Variants in DNAJB2 observed in about 807,000 individuals in gnomAD.
The protein encoded by DNAJB2 is DnaJ heat shock protein family (Hsp40) member B2.
A neutral mutation model predicts 33.3 loss-of-function variants in DNAJB2; 19 were observed. That is an observed-to-expected ratio of 0.57 (90% CI 0.40 to 0.84). The LOEUF is 0.84. DNAJB2 is among the 40% of genes least tolerant of loss of function. The probability of loss-of-function intolerance (pLI) is 0.00; values close to 1 mark genes in which losing one functional copy is unlikely to be tolerated. For synonymous variants in DNAJB2, 172 were observed against 164.6 expected (o/e 1.04, Z -0.34); for missense variants, 368 against 430.9 (o/e 0.85, Z 1.29).
intron 8 of DNAJB2, among the ~76,000 whole-genome samples, chr2:219,283,973 C>G (rs929522046): frequency 1.3e-5 from 2 of 152,216 alleles, no homozygotes; most frequent in Non-Finnish European, 2.9e-5. Flanking sequence ...TGTGCAGGGC[C>G]GTCACCACAG....
Position 219,286,020 on chromosome 2 carries a change from C to G in DNAJB2, c.*1033C>G. The G allele has an allele frequency of 1.2e-6, 2 of 1,612,400 alleles. No homozygotes were observed. Among genetic ancestry groups the G allele is most frequent in the Non-Finnish European group, 1.7e-6 (2 of 1,179,630 alleles). ...TGAGCTGGATGCCGGGTTCCAGAATCGCTGCACAGTTCCAACAGGACAGCG... is the reference window on the plus strand; with the variant it reads ...TGAGCTGGATGCCGGGTTCCAGAATGGCTGCACAGTTCCAACAGGACAGCG... On this transcript the variant is annotated 3_prime_UTR_variant, in exon 9 of 9. Coordinates refer to ENST00000336576, the MANE Select transcript of DNAJB2 (RefSeq NM_006736.6).
Position 219,284,863 on chromosome 2 carries a change from A to AG in DNAJB2, c.855dup (p.Arg286AlafsTer21). ...GGGCGGGAGGCACAGCACCGACGGC[A>AG]GGGGCGGCCCAAGGCCCAGCACCAA... is the stretch of plus-strand genomic sequence containing the variant. On this transcript the variant is annotated frameshift_variant, in exon 9 of 9. Transcript: ENST00000336576. LOFTEE classifies it high-confidence loss of function. The AG allele has an allele frequency of 6.2e-7, 1 of 1,610,210 alleles. No individual in the cohort carries two copies. The highest frequency in any genetic ancestry group is 8.5e-7 in the Non-Finnish European group (1 of 1,178,096).
At position 219,285,292 on chromosome 2, in the gene DNAJB2, CT is replaced by C; in HGVS notation, c.*309del. The stretch of plus-strand genomic sequence containing the variant: ...GGGGCATTAGTGGTTTGGGCTGGGC[CT>C]TTTGTGCCCTGGTACTCTGCCACCT... On this transcript the variant is annotated 3_prime_UTR_variant, in exon 9 of 9. Coordinates refer to ENST00000336576, the MANE Select transcript of DNAJB2 (RefSeq NM_006736.6). 9.1e-7 allele frequency: 1 copy of C among 1,099,160 alleles called. No individual in the cohort carries two copies. 68.1% of individuals were successfully genotyped at this position (1,099,160 alleles called of 1,614,324 possible).
Position 219,282,080 on chromosome 2 carries a change from C to T in DNAJB2, c.352+19C>T, listed in dbSNP as rs1274404925. On this transcript the variant is annotated intron_variant, in intron 5 of 8. Transcript: ENST00000336576. ...CTCTTTGGTGAGTGGACTCTGGAAG[C>T]CTCTGAATGGCTCAACTTCCCCCTC... is the stretch of plus-strand genomic sequence containing the variant. The T allele has an allele frequency of 3.1e-6, 5 of 1,613,922 alleles. No homozygotes were observed. The highest frequency in any genetic ancestry group is 1.7e-5 in the Admixed American group (1 of 60,000).
At position 219,283,210 on chromosome 2, in the gene DNAJB2, C is replaced by G. The variant is rs377437714; in HGVS notation, c.523C>G (p.Gln175Glu). The G allele has an allele frequency of 1.9e-6, 3 of 1,614,096 alleles. No individual in the cohort carries two copies. The highest frequency in any genetic ancestry group is 1.3e-5 in the African/African-American group (1 of 74,924). ...RSVSTSTTFV[Q>E]GRRITTRRIM... ...TGTTTCTACATCTACCACCTTTGTC[C>G]AAGGACGCCGCATCACCACACGCAG... is the stretch of plus-strand genomic sequence containing the variant. The change falls in exon 7 of 9, where the codon CAA becomes GAA. Residue 175 changes from glutamine to glutamate, a missense_variant. Coordinates refer to ENST00000336576, the MANE Select transcript of DNAJB2 (RefSeq NM_006736.6).
In DNAJB2 at chr2:219,283,506, C is replaced by G; in HGVS notation, c.619+17C>G. ...CAATCAATGGTGAGGAGCAGCTCCC[C>G]TACCCAGCCCCTGGCAGGAAGCCCC... is the stretch of plus-strand genomic sequence containing the variant. On this transcript the variant is annotated intron_variant, in intron 8 of 8. Transcript: ENST00000336576. The G allele has an allele frequency of 6.2e-7, 1 of 1,609,096 alleles. No individual in the cohort carries two copies. The highest frequency in any genetic ancestry group is 8.5e-7 in the Non-Finnish European group (1 of 1,177,602).
At position 219,286,317 on chromosome 2, in the gene DNAJB2, C is replaced by G. The variant is rs1014560810; in HGVS notation, c.*1330C>G. 2.9e-6 allele frequency: 1 copy of G among 348,274 alleles called. No individual in the cohort carries two copies. The highest frequency in any genetic ancestry group is 2.1e-5 in the African/African-American group (1 of 48,728). The allele number at this position is 348,274 out of a possible 1,614,324, so 21.6% of individuals were successfully genotyped here. On this transcript the variant is annotated 3_prime_UTR_variant, in exon 9 of 9. Coordinates refer to ENST00000336576, the MANE Select transcript of DNAJB2 (RefSeq NM_006736.6). ...TCTTGGGACATGTAGTAGCCCAGGT[C>G]GGCTTGTCACTCGCTGTGAGATGGG... is the stretch of plus-strand genomic sequence containing the variant.
intron 3 of DNAJB2, 115 bp from the exon 4 acceptor site, chr2:219,281,603 G>C: frequency 6.9e-7 from 1 of 1,441,928 alleles, no homozygotes; most frequent in South Asian, 1.2e-5. Context: ...TGCTGTGCCT[G>C]CTTTCCCCCG....
chr2:219,285,674 C>G lies in DNAJB2; in HGVS notation c.*687C>G. On this transcript the variant is annotated 3_prime_UTR_variant, in exon 9 of 9. Coordinates refer to ENST00000336576, the MANE Select transcript of DNAJB2 (RefSeq NM_006736.6). Reference sequence around the variant, plus strand: ...TGTGAGATCTTCTGGGGAGGCTAGCCGGGTGGGGCGGGAGCCTCTCAGCTG... The same window carrying G: ...TGTGAGATCTTCTGGGGAGGCTAGCGGGGTGGGGCGGGAGCCTCTCAGCTG... 1 of 1,178,496 alleles carries G rather than the reference C, an allele frequency of 8.5e-7. No individual in the cohort carries two copies. Among genetic ancestry groups the G allele is most frequent in the Non-Finnish European group, 1.1e-6 (1 of 950,780 alleles). 73.0% of individuals were successfully genotyped at this position (1,178,496 alleles called of 1,614,324 possible). A position where few individuals can be genotyped will look rare whatever the true frequency, so the allele number is the denominator to read the frequency against.
At position 219,279,876 on chromosome 2, in the gene DNAJB2, T is replaced by C. The variant is rs1223035732; in HGVS notation, c.43T>C (p.Ser15Pro). 2 of 1,613,720 alleles carry C rather than the reference T, an allele frequency of 1.2e-6. No individual in the cohort carries two copies. Among genetic ancestry groups the C allele is most frequent in the Non-Finnish European group, 1.7e-6 (2 of 1,179,926 alleles). ...GATCCTAGACGTGCCGCGAAGTGCG[T>C]CCGCTGATGACATCAAGAAGGCGTA... ...YEILDVPRSA[S>P]ADDIKKAYRR... The change falls in exon 2 of 9, where the codon TCC (serine) becomes CCC (proline). Residue 15 changes from serine (S) to proline (P), a missense_variant. Transcript: ENST00000336576. The surrounding 1 kb of genome is among the most constrained non-coding windows in gnomAD (Gnocchi z 4.9).
In DNAJB2 at chr2:219,280,554, C is replaced by A. The variant is rs539825713; in HGVS notation, c.66-24C>A. On this transcript the variant is annotated intron_variant, in intron 2 of 8. Coordinates refer to ENST00000336576, the MANE Select transcript of DNAJB2 (RefSeq NM_006736.6). ...GTGCCTGCATTTGTCCCCCGACTCT[C>A]TCCTCTGCACCCACTTTCTGCAGGT... 7.2e-5 allele frequency: 114 copies of A among 1,592,828 alleles called. No homozygotes were observed. The South Asian group carries it at 1.2e-3, about 16-fold the overall frequency.
chr2:219,281,707 T>C lies in DNAJB2; in HGVS notation c.176-11T>C, dbSNP rs1035188417. On this transcript the variant is annotated splice_polypyrimidine_tract_variant and intron_variant, in intron 3 of 8. Coordinates refer to ENST00000336576, the MANE Select transcript of DNAJB2 (RefSeq NM_006736.6). ...AGAGGGAGGGTGAAATGATCTGGTC[T>C]CTTTTTGCAGAGCACAAGCGGGAGA... 1.9e-6 allele frequency: 3 copies of C among 1,613,850 alleles called. No individual in the cohort carries two copies. Among genetic ancestry groups the C allele is most frequent in the African/African-American group, 2.7e-5 (2 of 74,930 alleles).
At position 219,285,000 on chromosome 2, in the gene DNAJB2, A is replaced by T. The variant is rs575716627; in HGVS notation, c.*13A>T. 1.4e-6 allele frequency: 2 copies of T among 1,476,318 alleles called. No individual in the cohort carries two copies. The highest frequency in any genetic ancestry group is 1.8e-6 in the Non-Finnish European group (2 of 1,108,558). The allele number at this position is 1,476,318 out of a possible 1,614,324, so 91.5% of individuals were successfully genotyped here. A position where few individuals can be genotyped will look rare whatever the true frequency, so the allele number is the denominator to read the frequency against. On this transcript the variant is annotated 3_prime_UTR_variant, in exon 9 of 9. Transcript: ENST00000336576. Reference sequence around the variant, plus strand: ...CCTCATCCTCTGAACACCGGGCCCAACCTGATCTGATCCAGATCTTGACTG... The same window carrying T: ...CCTCATCCTCTGAACACCGGGCCCATCCTGATCTGATCCAGATCTTGACTG...
chr2:219,286,091 C>A lies in DNAJB2; in HGVS notation c.*1104C>A. On this transcript the variant is annotated 3_prime_UTR_variant, in exon 9 of 9. Transcript: ENST00000336576. ...GGGGACCCTCCATTTCTCCCCCTCA[C>A]CCATGCTGAGTGTAGAGCCGGGGCC... The A allele has an allele frequency of 1.3e-6, 2 of 1,521,330 alleles. No homozygotes were observed. The highest frequency in any genetic ancestry group is 1.1e-5 in the South Asian group (1 of 87,018). The allele number at this position is 1,521,330 out of a possible 1,614,324, so 94.2% of individuals were successfully genotyped here.
Position 219,279,775 on chromosome 2 carries a change from G to T in DNAJB2, c.-36-23G>T, listed in dbSNP as rs750308678. 4.0e-5 allele frequency: 64 copies of T among 1,600,440 alleles called. No individual in the cohort carries two copies. The highest frequency in any genetic ancestry group is 5.4e-5 in the African/African-American group (4 of 74,630). ...CAGGGTGGGGCTCTTGGTTCTTTCC[G>T]CCTGACTCCTTCTCTTCTGCAGCCC... is the stretch of plus-strand genomic sequence containing the variant. On this transcript the variant is annotated intron_variant, in intron 1 of 8. Coordinates refer to ENST00000336576, the MANE Select transcript of DNAJB2 (RefSeq NM_006736.6). The surrounding 1 kb of genome is among the most constrained non-coding windows in gnomAD (Gnocchi z 4.9).
chr2:219,282,847 C>G lies in DNAJB2; in HGVS notation c.363C>G (p.Gly121=), dbSNP rs770444298. 3.8e-6 allele frequency: 6 copies of G among 1,588,058 alleles called. 1 individual carries two copies. The African/African-American group carries it at 8.2e-5, about 22-fold the overall frequency. Residue 121 remains glycine (G), a synonymous_variant, in exon 6 of 9, where the codon GGC becomes GGG. Transcript: ENST00000336576. ...DPFAELFDDL[G]PFSELQNRGS... is the part of the protein sequence containing the mutation. ...GTTTACTTGTTGCAGATGACCTGGG[C>G]CCCTTCTCAGAGCTTCAGAACCGGG...
rs1317732158 is a variant in DNAJB2, at chr2:219,283,225, A to G, written c.538A>G (p.Thr180Ala). The stretch of plus-strand genomic sequence containing the variant: ...CACCTTTGTCCAAGGACGCCGCATC[A>G]CCACACGCAGGTGAGAGCTCCTTCT... ...STTFVQGRRITTRRIMENGQE... is the reference protein window; with the variant it reads ...STTFVQGRRIATRRIMENGQE... The change falls in exon 7 of 9, where the codon ACC becomes GCC. Residue 180 changes from threonine (T) to alanine (A), a missense_variant. By Grantham distance (58) the Thr-to-Ala change is moderately conservative. Transcript: ENST00000336576. 1.2e-6 allele frequency: 2 copies of G among 1,614,158 alleles called. No individual in the cohort carries two copies. Among genetic ancestry groups the G allele is most frequent in the Non-Finnish European group, 8.5e-7 (1 of 1,180,020 alleles).
chr2:219,282,961 T>C, intron 6 of DNAJB2, 32 bp downstream of exon 6: 1 of 1,566,382 alleles, frequency 6.4e-7, no homozygotes, highest in Admixed American at 1.9e-5. Context: ...GTTTGCAAGC[T>C]CCGATTCCTG....
intron 5 of DNAJB2, 69 bp downstream of exon 5, chr2:219,282,130 G>C (rs761450938): frequency 5.6e-6 from 9 of 1,613,090 alleles, no homozygotes; most frequent in Non-Finnish European, 7.6e-6. Context: ...CATCAGCTGG[G>C]AGGCCCTGAG....
Sources: allele counts gnomAD v4.1 joint callset (sites outside exome capture counted in the v4.1 genomes callset), GRCh38; gene constraint gnomAD v4.1.1; non-coding constraint Gnocchi (gnomAD v3.1); transcripts MANE v1.5; gene names NCBI Gene and HGNC (gene_info 2026-07-23, HGNC 2026-07-21).